The following CREM variants were observed in gnomAD, a reference collection of about 807,000 sequenced individuals.
CREM encodes the protein cAMP responsive element modulator, also known as cAMP-responsive element modulator.
Under a neutral mutation model 37.3 loss-of-function variants are expected in CREM, and 13 were observed. The ratio of observed to expected loss-of-function variants is 0.35; its 90% CI spans 0.23 to 0.55. The LOEUF (loss-of-function observed/expected upper bound fraction) is 0.55. Among genes scored for constraint, CREM ranks in the 20% least tolerant of loss-of-function variants. CREM has a pLI of 0.88. For synonymous variants in CREM, 124 were observed against 120.2 expected (o/e 1.03, Z -0.21); for missense variants, 296 against 362.3 (o/e 0.82, Z 1.49).
intron 3 of CREM, among the ~76,000 whole-genome samples, chr10:35,178,452 G>A (rs533823926): frequency 1.4e-4 from 22 of 152,260 alleles, no homozygotes; most frequent in Admixed American, 8.5e-4. Flanking sequence ...CCCAGCTCAC[G>A]CCAGCGCCAG....
chr10:35,192,101 C>T (rs561260054), intron 6 of CREM, among the ~76,000 whole-genome samples: 4 of 152,212 alleles, frequency 2.6e-5, no homozygotes, highest in Non-Finnish European at 5.9e-5. Context: ...CTGACCCAGG[C>T]TACCCCTGTG....
At chr10:35,155,521 A>G (rs1048617389) in intron 3 of CREM, among the ~76,000 whole-genome samples, 10 of 149,866 alleles carry the variant, frequency 6.7e-5, no homozygotes, top group Non-Finnish European at 1.2e-4. Flanking sequence ...ATAAAAGATA[A>G]TGAATAACAA....
chr10:35,133,968 C>T (rs963175961), intron 1 of CREM, among the ~76,000 whole-genome samples: 1 of 151,670 alleles, frequency 6.6e-6, no homozygotes, highest in Non-Finnish European at 1.5e-5. Context: ...TAAACTTGCC[C>T]AAGAAGTTTA....
chr10:35,158,800 TTTTTTTTTGTTGTTTTGTTTG>T (rs1264230184), intron 3 of CREM, among the ~76,000 whole-genome samples: 6 of 127,970 alleles, frequency 4.7e-5, no homozygotes, highest in African/African-American at 1.1e-4. Flanking sequence ...AATATAGTGT[TTTTTTTTTGTTGTTTTGTTTG>T]TTTTTTTTTT....
intron 1 of CREM, among the ~76,000 whole-genome samples, chr10:35,132,218 GAAA>G (rs958872311): frequency 1.8e-5 from 2 of 112,344 alleles, no homozygotes; most frequent in African/African-American, 3.0e-5. Context: ...AAAAAAAAAA[GAAA>G]AAAAAATTGG....
rs189915136 is a variant in CREM, at chr10:35,160,886, C to G, written c.168+12395C>G. 2.0e-3 allele frequency among the ~76,000 whole-genome samples: 304 copies of G among 152,330 alleles called. 1 individual carries two copies. Among genetic ancestry groups the G allele is most frequent in the Non-Finnish European group, 3.1e-3 (209 of 68,032 alleles). ...TATAGTGTCAGGATCATCTGTATTG[C>G]TGTCTTCCACCTTCATATCCTGTCC... On this transcript the variant is annotated intron_variant, in intron 3 of 7. Transcript: ENST00000685392.
In CREM at chr10:35,135,740, AAAAGAG is replaced by A. The variant is rs759293935; in HGVS notation, c.-54-2040_-54-2035del. Among the ~76,000 whole-genome samples the A allele has an allele frequency of 6.3e-3, 493 of 78,760 alleles. 12 individuals carry two copies. The highest frequency in any genetic ancestry group is 0.012 in the African/African-American group (361 of 29,750). 51.7% of individuals were successfully genotyped at this position (78,760 alleles called of 152,430 possible). On this transcript the variant is annotated intron_variant, in intron 1 of 7. Coordinates refer to ENST00000685392, the MANE Select transcript of CREM (RefSeq NM_183011.2). ...TTTCTGGAAAAAAAAAAAAAAAAAAAAAAGAGAGACATTAAAAAAAAATGAGACAAA... is the reference window on the plus strand; with the variant it reads ...TTTCTGGAAAAAAAAAAAAAAAAAAAAGACATTAAAAAAAAATGAGACAAA...
At chr10:35,179,429 A>G (rs2094254951) in intron 5 of CREM, 153 bp downstream of exon 5, 1 of 904,452 alleles carries the variant, frequency 1.1e-6, no homozygotes, top group African/African-American at 1.7e-5. Context: ...TATGTTAAAA[A>G]GTGAGATCTT....
At chr10:35,141,224 T>C (rs1191430457) in intron 2 of CREM, among the ~76,000 whole-genome samples, 1 of 152,244 alleles carries the variant, frequency 6.6e-6, no homozygotes, top group African/African-American at 2.4e-5. Context: ...ACTTACCACA[T>C]GGTAAACTCT....
chr10:35,212,695 ACTTT>A lies in CREM; in HGVS notation c.*1304_*1307del, dbSNP rs1327958205. 2 of 152,530 alleles carry A rather than the reference ACTTT, an allele frequency of 1.3e-5. No homozygotes were observed. The highest frequency in any genetic ancestry group is 4.8e-5 in the African/African-American group (2 of 41,388). The allele number at this position is 152,530 out of a possible 1,614,324, so 9.4% of individuals were successfully genotyped here. On this transcript the variant is annotated 3_prime_UTR_variant, in exon 8 of 8. Coordinates refer to ENST00000685392, the MANE Select transcript of CREM (RefSeq NM_183011.2). ...GTTTCGGCCTTCATAATGGCCTGAG[ACTTT>A]CTTTCTGTAGGTGGTCTGGAGCTGT...
chr10:35,191,754 A>C (rs1249862699), intron 6 of CREM, among the ~76,000 whole-genome samples: 3 of 151,986 alleles, frequency 2.0e-5, no homozygotes, highest in Non-Finnish European at 4.4e-5. Flanking sequence ...TGAGTGTTTC[A>C]GTGATCCTCA....
chr10:35,144,265 C>T (rs554262191), intron 2 of CREM, among the ~76,000 whole-genome samples: 1 of 152,282 alleles, frequency 6.6e-6, no homozygotes, highest in African/African-American at 2.4e-5. Flanking sequence ...GGCTCAACGC[C>T]TCATGGTATC....
chr10:35,130,683 C>T (rs2089190525), intron 1 of CREM, among the ~76,000 whole-genome samples: 1 of 152,152 alleles, frequency 6.6e-6, no homozygotes, highest in South Asian at 2.1e-4. Flanking sequence ...CCACTGTGTT[C>T]TAATCGTCTG....
At chr10:35,192,516 T>A (rs1278999095) in intron 6 of CREM, among the ~76,000 whole-genome samples, 1 of 152,112 alleles carries the variant, frequency 6.6e-6, no homozygotes. Flanking sequence ...GCCCAGCTAA[T>A]TTTTGTATTT....
chr10:35,141,979 A>G (rs1651536798), intron 2 of CREM, among the ~76,000 whole-genome samples: 1 of 152,172 alleles, frequency 6.6e-6, no homozygotes, highest in African/African-American at 2.4e-5. Flanking sequence ...AACAAAAGGT[A>G]GGACTTAAAA....
intron 3 of CREM, chr10:35,167,475 C>A: frequency 2.1e-6 from 1 of 474,788 alleles, no homozygotes. Context: ...TGAATGCAGG[C>A]CTAGTAGCTT....
intron 5 of CREM, 94 bp downstream of exon 5, chr10:35,179,370 A>G: frequency 7.1e-7 from 1 of 1,417,994 alleles, no homozygotes; most frequent in Non-Finnish European, 9.6e-7. Flanking sequence ...AAATTGTTCC[A>G]TTTTAAAATG....
intron 3 of CREM, among the ~76,000 whole-genome samples, chr10:35,161,653 A>G (rs2093302471): frequency 7.1e-6 from 1 of 141,750 alleles, no homozygotes; most frequent in South Asian, 2.3e-4. Flanking sequence ...ACAGAGTGAG[A>G]CTGTCTCACC....
rs1009307356 is a variant in CREM, at chr10:35,150,461, T to C, written c.168+1970T>C. Among the ~76,000 whole-genome samples, 8 of 152,266 alleles carry C rather than the reference T, an allele frequency of 5.3e-5. No homozygotes were observed. The South Asian group carries it at 1.0e-3, about 20-fold the overall frequency. On this transcript the variant is annotated intron_variant, in intron 3 of 7. Transcript: ENST00000685392. ...GCAATAGATTTCCATTATCTAAATATGGTAATTTGCAATTCTGAGGACCTT... is the reference window on the plus strand; with the variant it reads ...GCAATAGATTTCCATTATCTAAATACGGTAATTTGCAATTCTGAGGACCTT...
Sources: gnomAD v4.1 joint callset for allele counts (sites outside exome capture counted in the v4.1 genomes callset) on GRCh38, gnomAD v4.1.1 for gene constraint, MANE v1.5 for transcripts, NCBI Gene and HGNC (gene_info 2026-07-23, HGNC 2026-07-21) for gene names.